The following SNX18 variants were observed in gnomAD, a reference collection of about 807,000 sequenced individuals.
The protein encoded by SNX18 is sorting nexin 18, also known as sorting nexin-18.
SNX18 carries 35 observed loss-of-function variants against 48.7 expected under a neutral mutation model. The observed-to-expected ratio is 0.72, with a 90% CI of 0.55 to 0.95. The LOEUF (loss-of-function observed/expected upper bound fraction) is 0.95. Among genes scored for constraint, SNX18 ranks in the 40% least tolerant of loss-of-function variants. The pLI, the probability that SNX18 is intolerant of heterozygous loss-of-function variation, is 0.00. For missense variants in SNX18, 824 were observed against 871.0 expected, an observed-to-expected ratio of 0.95 and a Z score of 0.68; for synonymous variants, 492 against 384.7, an observed-to-expected ratio of 1.28 and a Z score of -3.26.
chr5:54,611,863 C>G, the SNX18 span, among the ~76,000 whole-genome samples: 1 of 149,166 alleles, frequency 6.7e-6, no homozygotes, highest in Non-Finnish European at 1.5e-5. Flanking sequence ...CTGGAATTTT[C>G]TTCTTCTTCT....
chr5:54,571,528 C>A, the SNX18 span, among the ~76,000 whole-genome samples: 1 of 151,254 alleles, frequency 6.6e-6, no homozygotes, highest in Non-Finnish European at 1.5e-5. Context: ...TTACAGAGAT[C>A]CCAAGAAAAC....
At chr5:54,587,123 G>A in the SNX18 span, among the ~76,000 whole-genome samples, 1 of 152,038 alleles carries the variant, frequency 6.6e-6, no homozygotes, top group Non-Finnish European at 1.5e-5. Context: ...GGAACAGCCA[G>A]CTCAACAGTG....
intron 1 of SNX18, chr5:54,519,888 G>A (rs894265880): frequency 6.8e-7 from 1 of 1,478,036 alleles, no homozygotes; most frequent in African/African-American, 1.4e-5. Flanking sequence ...ATCTTGAGAC[G>A]AGGGTAGAAT....
chr5:54,518,770 C>T lies in SNX18; in HGVS notation c.818C>T (p.Pro273Leu), dbSNP rs746594058. The T allele has an allele frequency of 6.2e-7, 1 of 1,606,408 alleles. No homozygotes were observed. Among genetic ancestry groups the T allele is most frequent in the Non-Finnish European group, 8.5e-7 (1 of 1,175,876 alleles). Residue 273 changes from proline to leucine, a missense_variant, in exon 1 of 2, where the codon CCC becomes CTC. Pro to Leu is a moderately conservative substitution (Grantham distance 98). Transcript: ENST00000381410. Reference sequence around the variant, plus strand: ...TATGGCCCCGAGTGGCAGGAGAACCCCTACCCGTTCCAGTGCACCATCGAC... The same window carrying T: ...TATGGCCCCGAGTGGCAGGAGAACCTCTACCCGTTCCAGTGCACCATCGAC... ...GPYGPEWQEN[P>L]YPFQCTIDDP...
downstream of SNX18, among the ~76,000 whole-genome samples, chr5:54,547,905 C>A (rs548075941): frequency 6.6e-4 from 101 of 152,242 alleles, 4 homozygotes; most frequent in South Asian, 0.02. Flanking sequence ...GTGAGAGCAA[C>A]AGAATTTGCT....
chr5:54,563,143 A>T, the SNX18 span, among the ~76,000 whole-genome samples: 5 of 152,260 alleles, frequency 3.3e-5, no homozygotes, highest in Admixed American at 2.6e-4. Context: ...TAAAAAAGTT[A>T]CAGTAAGCTA....
the SNX18 span, among the ~76,000 whole-genome samples, chr5:54,611,934 G>A: frequency 6.6e-6 from 1 of 151,604 alleles, no homozygotes; most frequent in African/African-American, 2.4e-5. Context: ...CTGGAGTGCA[G>A]TAGCACAATC....
At chr5:54,573,241 C>G in the SNX18 span, among the ~76,000 whole-genome samples, 1 of 152,144 alleles carries the variant, frequency 6.6e-6, no homozygotes, top group Admixed American at 6.5e-5. Context: ...AGGGCAGACG[C>G]GTTCCTCCTT....
At position 54,517,821 on chromosome 5, in the gene SNX18, C is replaced by T. The variant is rs1004228441; in HGVS notation, c.-132C>T. ...CGCGCGGAGGGCGCGACCGGCTGGT[C>T]CGGGCAGCGTGGGTTTGCCGCCTTC... On this transcript the variant is annotated 5_prime_UTR_variant, in exon 1 of 2. Transcript: ENST00000381410. 1.4e-5 allele frequency: 13 copies of T among 961,926 alleles called. No individual in the cohort carries two copies. Among genetic ancestry groups the T allele is most frequent in the Non-Finnish European group, 1.1e-5 (8 of 727,358 alleles). The allele number at this position is 961,926 out of a possible 1,614,324, so 59.6% of individuals were successfully genotyped here. A position where few individuals can be genotyped will look rare whatever the true frequency, so the allele number is the denominator to read the frequency against.
chr5:54,535,464 A>G (rs115485954), intron 1 of SNX18, among the ~76,000 whole-genome samples: 2,430 of 152,320 alleles, frequency 0.016, 68 homozygotes, highest in African/African-American at 0.055. Flanking sequence ...CAAAGTAAAA[A>G]TATTGGTTTA....
the SNX18 span, among the ~76,000 whole-genome samples, chr5:54,588,313 T>A: frequency 3.5e-3 from 24 of 6,812 alleles, no homozygotes; most frequent in South Asian, 0.013. Flanking sequence ...ATTCTTTTTT[T>A]TTTTTTTTTT....
intron 1 of SNX18, among the ~76,000 whole-genome samples, chr5:54,538,306 G>A (rs111451804): frequency 7.2e-5 from 11 of 152,262 alleles, no homozygotes; most frequent in African/African-American, 2.4e-4. Flanking sequence ...CAGAGCTTAG[G>A]AGCTCAGTGG....
the SNX18 span, among the ~76,000 whole-genome samples, chr5:54,576,158 A>G: frequency 1.3e-5 from 2 of 152,160 alleles, no homozygotes. Flanking sequence ...TGAGTGAGTG[A>G]GCCTTCATGT....
chr5:54,548,315 C>G (rs770947365), downstream of SNX18, among the ~76,000 whole-genome samples: 11 of 152,176 alleles, frequency 7.2e-5, no homozygotes, highest in Non-Finnish European at 1.0e-4. Context: ...TGCTGTGTGT[C>G]CCATCAGCCT....
the SNX18 span, among the ~76,000 whole-genome samples, chr5:54,552,622 C>T: frequency 1.3e-5 from 2 of 152,232 alleles, no homozygotes; most frequent in East Asian, 1.9e-4. Flanking sequence ...ATGATGCCAT[C>T]GGCACGGTGG....
Position 54,543,547 on chromosome 5 carries a change from G to A in SNX18, c.*115G>A, listed in dbSNP as rs1434566612. ...TCAGTGGTGGTACAAGGACGGTTTT[G>A]TGTTCATCTGAAACCCAGCTGAATT... On this transcript the variant is annotated 3_prime_UTR_variant, in exon 2 of 2. Transcript: ENST00000381410. 8.0e-6 allele frequency: 10 copies of A among 1,249,450 alleles called. No individual in the cohort carries two copies. Among genetic ancestry groups the A allele is most frequent in the African/African-American group, 1.5e-5 (1 of 66,130 alleles). 77.4% of individuals were successfully genotyped at this position (1,249,450 alleles called of 1,614,324 possible).
chr5:54,521,386 C>T (rs2112837046), intron 1 of SNX18, among the ~76,000 whole-genome samples: 1 of 152,322 alleles, frequency 6.6e-6, no homozygotes. Context: ...TTTGAGTTTA[C>T]AGCAATGGTC....
At position 54,543,260 on chromosome 5, in the gene SNX18, A is replaced by T; in HGVS notation, c.1703A>T (p.Asp568Val). ...MEVQKADGIQ[D>V]RCNTISFATL... The stretch of plus-strand genomic sequence containing the variant: ...GTGCAGAAGGCTGACGGCATTCAGG[A>T]TCGCTGTAACACTATTTCTTTTGCC... Residue 568 changes from aspartate (D) to valine (V), a missense_variant, in exon 2 of 2, where the codon GAT becomes GTT. Asp to Val is a radical substitution (Grantham distance 152). This residue lies in a region of SNX18 where 443 missense variants were observed against 503.6 expected (regional missense o/e 0.88). Transcript: ENST00000381410. 1 of 1,614,208 alleles carries T rather than the reference A, an allele frequency of 6.2e-7. No homozygotes were observed.
the SNX18 span, among the ~76,000 whole-genome samples, chr5:54,621,040 C>T: frequency 7.2e-5 from 11 of 152,298 alleles, no homozygotes; most frequent in East Asian, 1.5e-3. Flanking sequence ...ATAAGGTTTA[C>T]ACCCCCAGTA....
Sources: gnomAD v4.1 joint callset for allele counts (sites outside exome capture counted in the v4.1 genomes callset) on GRCh38, gnomAD v4.1.1 for gene constraint, gnomAD v4.1.1 regional missense constraint, MANE v1.5 for transcripts, NCBI Gene and HGNC (gene_info 2026-07-23, HGNC 2026-07-21) for gene names.